SLC8A3: variants seen among roughly 807,000 people sequenced by gnomAD.
The protein encoded by SLC8A3 is solute carrier family 8 member A3.
In SLC8A3, 37 loss-of-function variants were observed where a neutral mutation model predicts 65.4. The observed-to-expected ratio is 0.57, with a 90% CI of 0.44 to 0.74. The LOEUF (loss-of-function observed/expected upper bound fraction) is 0.74. Ranked by LOEUF, SLC8A3 falls within the 30% of genes least tolerant of loss-of-function variation. SLC8A3 has a pLI of 0.00. For synonymous variants in SLC8A3, 461 were observed against 444.5 expected, an observed-to-expected ratio of 1.04 and a Z score of -0.47; for missense variants, 1,112 against 1,172.1, an observed-to-expected ratio of 0.95 and a Z score of 0.75.
intron 3 of SLC8A3, chr14:70,059,165 A>G (rs542314075): frequency 6.6e-6 from 1 of 152,468 alleles, no homozygotes; most frequent in African/African-American, 2.4e-5. Context: ...CCCCTAGAGC[A>G]TCAGGTGTGT....
chr14:70,149,744 C>T (rs775546293), intron 2 of SLC8A3, among the ~76,000 whole-genome samples: 1 of 152,196 alleles, frequency 6.6e-6, no homozygotes, highest in East Asian at 1.9e-4. Flanking sequence ...CTTTGCCCAT[C>T]CTCCTCCCAG....
intron 2 of SLC8A3, among the ~76,000 whole-genome samples, chr14:70,113,282 C>A (rs1207918421): frequency 1.3e-5 from 2 of 152,160 alleles, no homozygotes; most frequent in African/African-American, 4.8e-5. Flanking sequence ...AGGTTACAAA[C>A]CTGTACAACA....
Position 70,048,835 on chromosome 14 carries a change from C to A in SLC8A3, c.2321G>T (p.Gly774Val), listed in dbSNP as rs547868223. Reference protein sequence around the residue: ...AIIGDLASHFGCTIGLKDSVT... With the variant: ...AIIGDLASHFVCTIGLKDSVT... ...TGAATCTTTGAGACCAATGGTGCAG[C>A]CGAAGTGCGAGGCCAGGTCCCCAAT... is the stretch of plus-strand genomic sequence containing the variant. Residue 774 changes from glycine to valine, a missense_variant, in exon 6 of 7, where the codon GGC (glycine) becomes GTC (valine). Transcript: ENST00000356921. The A allele has an allele frequency of 6.2e-7, 1 of 1,614,056 alleles. No individual in the cohort carries two copies. Among genetic ancestry groups the A allele is most frequent in the African/African-American group, 1.3e-5 (1 of 75,048 alleles).
chr14:70,153,512 G>C (rs914235227), intron 2 of SLC8A3, among the ~76,000 whole-genome samples: 5 of 152,112 alleles, frequency 3.3e-5, no homozygotes, highest in African/African-American at 1.2e-4. Context: ...AAAACAAGAA[G>C]GGGGTGTTGC....
rs1315275317 is a variant in SLC8A3, at chr14:70,060,921, T to A, written c.1803A>T (p.Lys601Asn). Reference protein sequence around the residue: ...NDETVKTIRVKIVDEEEYERQ... With the variant: ...NDETVKTIRVNIVDEEEYERQ... Reference sequence around the variant, plus strand: ...TTTCGTATTCCTCCTCATCTACTATTTTAACCCTTATGGTTTTCCTGTAGG... The same window carrying A: ...TTTCGTATTCCTCCTCATCTACTATATTAACCCTTATGGTTTTCCTGTAGG... The change falls in exon 3 of 7, where the codon AAA becomes AAT. Residue 601 changes from lysine to asparagine, a missense_variant. Physicochemically the swap from Lys to Asn is moderately conservative, Grantham distance 94. Transcript: ENST00000356921. The A allele has an allele frequency of 2.0e-6, 3 of 1,507,466 alleles. No individual in the cohort carries two copies. Among genetic ancestry groups the A allele is most frequent in the Non-Finnish European group, 2.7e-6 (3 of 1,125,132 alleles). The allele number at this position is 1,507,466 out of a possible 1,614,324, so 93.4% of individuals were successfully genotyped here.
intron 3 of SLC8A3, chr14:70,055,834 G>GA: frequency 3.7e-6 from 6 of 1,606,980 alleles, no homozygotes; most frequent in African/African-American, 1.3e-5. Context: ...ATGGATACCA[G>GA]AAAAATGGAA....
intron 2 of SLC8A3, among the ~76,000 whole-genome samples, chr14:70,120,872 A>T (rs8006818): frequency 0.27 from 40,413 of 152,126 alleles, 5,985 homozygotes; most frequent in East Asian, 0.51. Flanking sequence ...TTCTGGCCCC[A>T]CGATGGTCAT....
intron 1 of SLC8A3, among the ~76,000 whole-genome samples, chr14:70,180,606 T>A (rs1882667017): frequency 6.6e-6 from 1 of 152,164 alleles, no homozygotes; most frequent in South Asian, 2.1e-4. Context: ...TACAGTGGTA[T>A]GTTTGGGGTA....
In SLC8A3 at chr14:70,146,329, C is replaced by T. The variant is rs866322140; in HGVS notation, c.1784+20310G>A. Among the ~76,000 whole-genome samples the T allele has an allele frequency of 2.0e-5, 3 of 152,134 alleles. No individual in the cohort carries two copies. In the South Asian group the frequency reaches 6.2e-4, roughly 32 times the overall value. ...GGCTAATGGGGGGCTGAGTCCCTGT[C>T]TTCAAAAGGCTCCTCCACTACATTT... On this transcript the variant is annotated intron_variant, in intron 2 of 6. Coordinates refer to ENST00000356921, the MANE Select transcript of SLC8A3 (RefSeq NM_182932.3).
At chr14:70,131,599 T>A (rs1566800314) in intron 2 of SLC8A3, among the ~76,000 whole-genome samples, 1 of 152,178 alleles carries the variant, frequency 6.6e-6, no homozygotes, top group Non-Finnish European at 1.5e-5. Flanking sequence ...ACATCAGCCC[T>A]AATAATGTCA....
intron 1 of SLC8A3, among the ~76,000 whole-genome samples, chr14:70,169,401 G>A (rs921032405): frequency 1.3e-5 from 2 of 152,024 alleles, no homozygotes; most frequent in African/African-American, 4.8e-5. Context: ...ATGATCATCC[G>A]CCAGCCACTC....
At chr14:70,053,522 T>C (rs2139745856) in intron 3 of SLC8A3, among the ~76,000 whole-genome samples, 2 of 152,344 alleles carry the variant, frequency 1.3e-5, no homozygotes, top group South Asian at 4.1e-4. Context: ...GACAGTATTA[T>C]TCCACTCCTT....
At chr14:70,189,257 G>A (rs935589969), upstream of SLC8A3, among the ~76,000 whole-genome samples, 8 of 152,010 alleles carry the variant, frequency 5.3e-5, no homozygotes, top group African/African-American at 1.9e-4. Context: ...GTTGGAGCCT[G>A]GCGCCCGCGC....
chr14:70,091,746 T>C (rs1390812832), intron 2 of SLC8A3, among the ~76,000 whole-genome samples: 1 of 152,168 alleles, frequency 6.6e-6, no homozygotes, highest in African/African-American at 2.4e-5. Flanking sequence ...TGATCTTTGA[T>C]TTTTCGAAGT....
intron 2 of SLC8A3, among the ~76,000 whole-genome samples, chr14:70,078,214 A>T (rs1890717239): frequency 6.6e-6 from 1 of 152,252 alleles, no homozygotes; most frequent in Admixed American, 6.5e-5. Context: ...CAATAGTGGC[A>T]GTAATATAAC....
intron 2 of SLC8A3, among the ~76,000 whole-genome samples, chr14:70,070,212 A>G (rs1257329064): frequency 1.3e-5 from 2 of 152,250 alleles, no homozygotes; most frequent in Non-Finnish European, 2.9e-5. Flanking sequence ...ATAGTTACAT[A>G]GTGCTTATTT....
intron 2 of SLC8A3, among the ~76,000 whole-genome samples, chr14:70,076,038 G>GCCCCCACT (rs1044597073): frequency 1.3e-5 from 2 of 152,076 alleles, no homozygotes; most frequent in Non-Finnish European, 2.9e-5. Flanking sequence ...TGACCTTGAT[G>GCCCCCACT]CCCCCACTCC....
chr14:70,063,707 G>T, intron 2 of SLC8A3: 1 of 652,298 alleles, frequency 1.5e-6, no homozygotes, highest in Non-Finnish European at 2.8e-6. Flanking sequence ...GGAGACAAGG[G>T]AAAGGGAACC....
intron 2 of SLC8A3, among the ~76,000 whole-genome samples, chr14:70,114,195 G>A (rs1454424605): frequency 4.6e-5 from 7 of 152,090 alleles, no homozygotes; most frequent in Non-Finnish European, 8.8e-5. Context: ...CACCCTCTGC[G>A]GACCACCTGA....
Sources: gnomAD v4.1 joint callset for allele counts (sites outside exome capture counted in the v4.1 genomes callset) on GRCh38, gnomAD v4.1.1 for gene constraint, MANE v1.5 for transcripts, NCBI Gene and HGNC (gene_info 2026-07-23, HGNC 2026-07-21) for gene names.